Variants in RANBP17 observed in about 807,000 individuals in gnomAD.
The protein encoded by RANBP17 is RAN binding protein 17.
A neutral mutation model predicts 141.2 loss-of-function variants in RANBP17; 158 were observed. The observed-to-expected ratio is 1.12, with a 90% CI of 0.98 to 1.28. The LOEUF (loss-of-function observed/expected upper bound fraction) is 1.28. Among genes scored for constraint, RANBP17 ranks in the 50% most tolerant of loss-of-function variants. RANBP17 has a pLI of 0.00. For missense variants in RANBP17, 1,438 were observed against 1,290.7 expected, an observed-to-expected ratio of 1.11 and a Z score of -1.75; for synonymous variants, 430 against 450.0, an observed-to-expected ratio of 0.96 and a Z score of 0.56.
chr5:170,950,305 T>C (rs1277060402), intron 12 of RANBP17, among the ~76,000 whole-genome samples: 1 of 151,796 alleles, frequency 6.6e-6, no homozygotes, highest in Non-Finnish European at 1.5e-5. Context: ...AGAGAGCCTG[T>C]TGAATGGGAG....
intron 14 of RANBP17, among the ~76,000 whole-genome samples, chr5:171,101,880 T>C (rs1452021129): frequency 6.6e-6 from 1 of 152,242 alleles, no homozygotes; most frequent in Non-Finnish European, 1.5e-5. Context: ...TATGAAATTC[T>C]GGCTTGAAAA....
intron 14 of RANBP17, among the ~76,000 whole-genome samples, chr5:171,074,709 T>C (rs1185573324): frequency 6.6e-6 from 1 of 152,226 alleles, no homozygotes; most frequent in Non-Finnish European, 1.5e-5. Flanking sequence ...CATCCTTTTA[T>C]TAATTGCCTA....
At chr5:171,165,509 T>A (rs1053184165) in intron 14 of RANBP17, among the ~76,000 whole-genome samples, 1 of 152,090 alleles carries the variant, frequency 6.6e-6, no homozygotes, top group African/African-American at 2.4e-5. Context: ...TATTACTATT[T>A]TATGGGTAAG....
chr5:171,039,496 G>A (rs1456907932), intron 14 of RANBP17, among the ~76,000 whole-genome samples: 1 of 151,778 alleles, frequency 6.6e-6, no homozygotes, highest in East Asian at 1.9e-4. Context: ...ACCTTTGTTG[G>A]ATGCATAGTT....
intron 14 of RANBP17, among the ~76,000 whole-genome samples, chr5:171,127,089 C>T (rs1756525804): frequency 6.6e-6 from 1 of 152,140 alleles, no homozygotes; most frequent in African/African-American, 2.4e-5. Context: ...CAACAAAATA[C>T]TTGCAAACCA....
chr5:171,184,114 A>G (rs1581811532), intron 18 of RANBP17, among the ~76,000 whole-genome samples: 1 of 152,218 alleles, frequency 6.6e-6, no homozygotes, highest in East Asian at 1.9e-4. Context: ...CAATCCAGCA[A>G]TCCTACTACT....
Position 170,902,781 on chromosome 5 carries a change from C to G in RANBP17, c.489+6666C>G, listed in dbSNP as rs545379223. 3.2e-4 allele frequency among the ~76,000 whole-genome samples: 49 copies of G among 152,340 alleles called. 1 individual carries two copies. The South Asian group carries it at 0.01, about 32-fold the overall frequency. On this transcript the variant is annotated intron_variant, in intron 5 of 27. Coordinates refer to ENST00000523189, the MANE Select transcript of RANBP17 (RefSeq NM_022897.5). ...TTTTCCTTCTAACAGTCAGGCCCCT[C>G]TGCTGCAGGTCTGCTGGAGTTTTCT...
chr5:171,017,514 G>C (rs1031100902), intron 14 of RANBP17, among the ~76,000 whole-genome samples: 2 of 152,056 alleles, frequency 1.3e-5, no homozygotes, highest in African/African-American at 2.4e-5. Flanking sequence ...GTGATGTTAA[G>C]TTTTTTTCCA....
In RANBP17 at chr5:171,252,635, C is replaced by T. The variant is rs1408657339; in HGVS notation, c.2776+9815C>T. The T allele has an allele frequency of 5.1e-6, 7 of 1,366,156 alleles. No individual in the cohort carries two copies. The African/African-American group carries it at 1.0e-4, about 20-fold the overall frequency. The allele number at this position is 1,366,156 out of a possible 1,614,324, so 84.6% of individuals were successfully genotyped here. A position where few individuals can be genotyped will look rare whatever the true frequency, so the allele number is the denominator to read the frequency against. On this transcript the variant is annotated intron_variant, in intron 24 of 27. Transcript: ENST00000523189. ...CAACTTCATCGATTTACAAAACTCT[C>T]TTACCAGGTAGTTTTTCCTTTAAAA...
chr5:171,042,173 T>A (rs1013465889), intron 14 of RANBP17, among the ~76,000 whole-genome samples: 4 of 152,104 alleles, frequency 2.6e-5, no homozygotes. Flanking sequence ...TTCCATGTCT[T>A]TGCTATTGAA....
At chr5:170,933,152 G>T (rs1408634653) in intron 12 of RANBP17, among the ~76,000 whole-genome samples, 11 of 152,102 alleles carry the variant, frequency 7.2e-5, no homozygotes, top group Non-Finnish European at 1.2e-4. Flanking sequence ...GGGTGTATGT[G>T]TCCAGGAATT....
chr5:171,237,541 T>G (rs1764617863), intron 22 of RANBP17, among the ~76,000 whole-genome samples: 1 of 152,198 alleles, frequency 6.6e-6, no homozygotes, highest in Non-Finnish European at 1.5e-5. Context: ...CTTACGGATG[T>G]TACAGTATCT....
At chr5:171,082,270 G>T (rs1268962237) in intron 14 of RANBP17, among the ~76,000 whole-genome samples, 1 of 152,000 alleles carries the variant, frequency 6.6e-6, no homozygotes, top group African/African-American at 2.4e-5. Flanking sequence ...GCACCTTCAG[G>T]TGTCAGTAAA....
In RANBP17 at chr5:171,240,858, A is replaced by G. The variant is rs149563686; in HGVS notation, c.2423-70A>G. On this transcript the variant is annotated intron_variant, in intron 22 of 27. Coordinates refer to ENST00000523189, the MANE Select transcript of RANBP17 (RefSeq NM_022897.5). ...ACATTAGCAGTAAAGTAAAAATGTT[A>G]AATAGTGTGTCCCATAACTACTTTG... 639 of 982,418 alleles carry G rather than the reference A, an allele frequency of 6.5e-4. 2 individuals are homozygous for G. Among genetic ancestry groups the G allele is most frequent in the Non-Finnish European group, 8.9e-4 (573 of 647,184 alleles). 60.9% of individuals were successfully genotyped at this position (982,418 alleles called of 1,614,324 possible). A position where few individuals can be genotyped will look rare whatever the true frequency, so the allele number is the denominator to read the frequency against.
intron 16 of RANBP17, among the ~76,000 whole-genome samples, chr5:171,177,204 T>C (rs555895874): frequency 6.6e-6 from 1 of 152,316 alleles, no homozygotes; most frequent in Admixed American, 6.5e-5. Flanking sequence ...TCCCATAATT[T>C]ATCTCCTCTG....
At chr5:170,929,298 G>T (rs911922206) in intron 12 of RANBP17, among the ~76,000 whole-genome samples, 3 of 151,998 alleles carry the variant, frequency 2.0e-5, no homozygotes, top group South Asian at 4.2e-4. Flanking sequence ...GGACATTCTT[G>T]CCTTGTTTCT....
intron 14 of RANBP17, among the ~76,000 whole-genome samples, chr5:170,995,427 C>T (rs1235254388): frequency 6.6e-6 from 1 of 152,026 alleles, no homozygotes; most frequent in Non-Finnish European, 1.5e-5. Flanking sequence ...GTTTTGACTT[C>T]AGAGAAACCA....
intron 14 of RANBP17, among the ~76,000 whole-genome samples, chr5:171,056,842 A>G (rs1365877052): frequency 1.3e-5 from 2 of 152,156 alleles, no homozygotes; most frequent in African/African-American, 4.8e-5. Context: ...AAAGCCAAAA[A>G]CCTTTACTCA....
At chr5:171,171,764 C>T (rs1382637737) in intron 16 of RANBP17, among the ~76,000 whole-genome samples, 1 of 151,886 alleles carries the variant, frequency 6.6e-6, no homozygotes, top group Non-Finnish European at 1.5e-5. Flanking sequence ...AGTTGAAAGG[C>T]ACAATGGAGT....
Sources: allele counts gnomAD v4.1 joint callset (sites outside exome capture counted in the v4.1 genomes callset), GRCh38; gene constraint gnomAD v4.1.1; transcripts MANE v1.5; gene names NCBI Gene and HGNC (gene_info 2026-07-23, HGNC 2026-07-21).